The following KCNN3 variants were observed in gnomAD, a reference collection of about 807,000 sequenced individuals.
KCNN3 encodes small conductance calcium-activated potassium channel protein 3.
KCNN3 carries 16 observed loss-of-function variants against 62.9 expected under a neutral mutation model. The observed-to-expected ratio is 0.25, with a 90% CI of 0.17 to 0.39. KCNN3 has a LOEUF of 0.39. Among genes scored for constraint, KCNN3 ranks in the 10% least tolerant of loss-of-function variants. The probability of loss-of-function intolerance (pLI) is 1.00; values close to 1 mark genes in which losing one functional copy is unlikely to be tolerated. For missense variants in KCNN3, 599 were observed against 949.4 expected, an observed-to-expected ratio of 0.63 and a Z score of 4.85; for synonymous variants, 370 against 389.2, an observed-to-expected ratio of 0.95 and a Z score of 0.58.
At position 154,706,029 on chromosome 1, in the gene KCNN3, A is replaced by T. The variant is rs1699959515; in HGVS notation, c.*1947T>A. ...AACAGTTAATAGAACAAGTAAAAAA[A>T]TAAGCCAACAGCAGGTGCGGCATCT... On this transcript the variant is annotated 3_prime_UTR_variant, in exon 8 of 8. Transcript: ENST00000271915. 1 of 152,270 alleles carries T rather than the reference A, an allele frequency of 6.6e-6. No individual in the cohort carries two copies. The highest frequency in any genetic ancestry group is 2.4e-5 in the African/African-American group (1 of 41,470). The allele number at this position is 152,270 out of a possible 1,614,324, so 9.4% of individuals were successfully genotyped here. A position where few individuals can be genotyped will look rare whatever the true frequency, so the allele number is the denominator to read the frequency against.
chr1:154,757,577 G>T (rs957240374), intron 3 of KCNN3, among the ~76,000 whole-genome samples: 2 of 152,212 alleles, frequency 1.3e-5, no homozygotes, highest in African/African-American at 4.8e-5. Flanking sequence ...CTAATTCCCA[G>T]GCCATTATGC....
intron 2 of KCNN3, among the ~76,000 whole-genome samples, chr1:154,797,381 C>T (rs1013185268): frequency 2.0e-5 from 3 of 152,192 alleles, no homozygotes; most frequent in Admixed American, 6.5e-5. Flanking sequence ...CTCTCTGAGC[C>T]TCACTTTCCT....
rs1169674152 is a variant in KCNN3, at chr1:154,857,176, C to T, written c.933+11856G>A. ...ATTTATTCCTCATGACACCCATTCT[C>T]ATGAGAGAGAGAAAACACTGTTAAC... On this transcript the variant is annotated intron_variant, in intron 1 of 7. Transcript: ENST00000271915. 2.0e-5 allele frequency among the ~76,000 whole-genome samples: 3 copies of T among 152,226 alleles called. No homozygotes were observed. In the East Asian group the frequency reaches 5.8e-4, roughly 29 times the overall value.
chr1:154,793,100 T>G (rs1649586773), intron 2 of KCNN3, among the ~76,000 whole-genome samples: 3 of 152,074 alleles, frequency 2.0e-5, no homozygotes, highest in Admixed American at 2.0e-4. Context: ...CCACTCCAAA[T>G]GGAGATGGAC....
chr1:154,796,742 G>A (rs1649751110), intron 2 of KCNN3, among the ~76,000 whole-genome samples: 1 of 152,232 alleles, frequency 6.6e-6, no homozygotes, highest in East Asian at 1.9e-4. Context: ...TGTGCACAGC[G>A]AACGCTGGCC....
At chr1:154,752,396 TGAAG>T (rs1171913261) in intron 3 of KCNN3, among the ~76,000 whole-genome samples, 2 of 140,670 alleles carry the variant, frequency 1.4e-5, no homozygotes, top group East Asian at 4.1e-4. Flanking sequence ...ACTGAGCAGA[TGAAG>T]GAAGGAAGGA....
chr1:154,756,071 AAGGAGG>A lies in KCNN3; in HGVS notation c.1448+15898_1448+15903del, dbSNP rs1305965022. 5.2e-5 allele frequency among the ~76,000 whole-genome samples: 7 copies of A among 133,754 alleles called. 2 individuals carry two copies. The highest frequency in any genetic ancestry group is 9.2e-5 in the African/African-American group (3 of 32,666). 87.7% of individuals were successfully genotyped at this position (133,754 alleles called of 152,430 possible). A position where few individuals can be genotyped will look rare whatever the true frequency, so the allele number is the denominator to read the frequency against. On this transcript the variant is annotated intron_variant, in intron 3 of 7. Coordinates refer to ENST00000271915, the MANE Select transcript of KCNN3 (RefSeq NM_002249.6). ...GAGGAGGAAGAGGAAGAGGAAGAAGAAGGAGGAGGAGGAGGGGGAAAGAAGGAAGAA... is the reference window on the plus strand; with the variant it reads ...GAGGAGGAAGAGGAAGAGGAAGAAGAAGGAGGAGGGGGAAAGAAGGAAGAA...
intron 3 of KCNN3, among the ~76,000 whole-genome samples, chr1:154,738,869 C>T (rs1243633924): frequency 2.0e-5 from 3 of 152,170 alleles, no homozygotes; most frequent in Non-Finnish European, 4.4e-5. Context: ...CTACAAGGCT[C>T]AACTATGAAT....
intron 3 of KCNN3, among the ~76,000 whole-genome samples, chr1:154,760,553 A>AGTCTG: frequency 6.6e-6 from 1 of 152,142 alleles, no homozygotes; most frequent in East Asian, 1.9e-4. Flanking sequence ...CTCCACAGCG[A>AGTCTG]GTCCCTGCAG....
chr1:154,794,301 T>C (rs1649635131), intron 2 of KCNN3, among the ~76,000 whole-genome samples: 1 of 152,192 alleles, frequency 6.6e-6, no homozygotes, highest in Admixed American at 6.5e-5. Context: ...CCATGTCTGT[T>C]TCTATGTCCA....
chr1:154,790,422 C>A (rs1263596909), intron 2 of KCNN3, among the ~76,000 whole-genome samples: 1 of 152,204 alleles, frequency 6.6e-6, no homozygotes, highest in African/African-American at 2.4e-5. Context: ...ACCTAGCCTG[C>A]CTTGTGTGCT....
intron 2 of KCNN3, among the ~76,000 whole-genome samples, chr1:154,815,056 G>A (rs558464749): frequency 1.8e-4 from 28 of 152,294 alleles, no homozygotes; most frequent in African/African-American, 3.9e-4. Context: ...CCTTCAGTAC[G>A]AGTGGCCCGA....
Position 154,725,133 on chromosome 1 carries a change from C to T in KCNN3, c.1701+783G>A, listed in dbSNP as rs541733526. 1.7e-4 allele frequency among the ~76,000 whole-genome samples: 26 copies of T among 152,230 alleles called. 1 individual carries two copies. The highest frequency in any genetic ancestry group is 4.3e-4 in the African/African-American group (18 of 41,528). ...CCTCCCAAAGTGCTGGGATTACAGG[C>T]GTGAGCCGCCGCTCCCAGCATAGAA... On this transcript the variant is annotated intron_variant, in intron 5 of 7. Coordinates refer to ENST00000271915, the MANE Select transcript of KCNN3 (RefSeq NM_002249.6).
intron 2 of KCNN3, among the ~76,000 whole-genome samples, chr1:154,789,435 G>C (rs1313890320): frequency 2.0e-5 from 3 of 152,104 alleles, no homozygotes; most frequent in East Asian, 1.9e-4. Context: ...GGGCAGGGGG[G>C]GGCATTATGA....
At chr1:154,765,143 T>C (rs1410687499) in intron 3 of KCNN3, among the ~76,000 whole-genome samples, 1 of 152,180 alleles carries the variant, frequency 6.6e-6, no homozygotes, top group African/African-American at 2.4e-5. Flanking sequence ...TAGGGGTGGC[T>C]CCTCCTGTCC....
chr1:154,857,650 CT>C (rs1315318240), intron 1 of KCNN3, among the ~76,000 whole-genome samples: 1 of 152,190 alleles, frequency 6.6e-6, no homozygotes, highest in Non-Finnish European at 1.5e-5. Context: ...AGACACTCCC[CT>C]GTGTGCAAAT....
At chr1:154,840,888 C>T (rs1180425499) in intron 1 of KCNN3, among the ~76,000 whole-genome samples, 2 of 152,252 alleles carry the variant, frequency 1.3e-5, no homozygotes, top group Admixed American at 6.5e-5. Flanking sequence ...TCCCCCAGGT[C>T]AGGCCACCGA....
intron 1 of KCNN3, among the ~76,000 whole-genome samples, chr1:154,859,251 T>TA (rs1015533864): frequency 9.2e-5 from 14 of 152,238 alleles, no homozygotes; most frequent in African/African-American, 3.4e-4. Flanking sequence ...TCCAATTCGT[T>TA]AAAATCAGAA....
At position 154,749,857 on chromosome 1, in the gene KCNN3, A is replaced by G. The variant is rs560771550; in HGVS notation, c.1449-16713T>C. Among the ~76,000 whole-genome samples the G allele has an allele frequency of 2.6e-5, 4 of 152,180 alleles. No homozygotes were observed. The South Asian group carries it at 6.2e-4, about 24-fold the overall frequency. On this transcript the variant is annotated intron_variant, in intron 3 of 7. Coordinates refer to ENST00000271915, the MANE Select transcript of KCNN3 (RefSeq NM_002249.6). Reference sequence around the variant, plus strand: ...GTCCCCACGGCCGTGGGGCTTGGGGAGACTACGGGATGCTCCCGGACCACA... The same window carrying G: ...GTCCCCACGGCCGTGGGGCTTGGGGGGACTACGGGATGCTCCCGGACCACA...
Sources: allele counts gnomAD v4.1 joint callset (sites outside exome capture counted in the v4.1 genomes callset), GRCh38; gene constraint gnomAD v4.1.1; transcripts MANE v1.5; gene names NCBI Gene and HGNC (gene_info 2026-07-23, HGNC 2026-07-21).